Variants in ADGRB3 observed in about 807,000 individuals in gnomAD.
The protein encoded by ADGRB3 is brain-specific angiogenesis inhibitor 3.
A neutral mutation model predicts 193.4 loss-of-function variants in ADGRB3; 37 were observed. The observed-to-expected ratio is 0.19, with a 90% CI of 0.15 to 0.25. The LOEUF (loss-of-function observed/expected upper bound fraction) is 0.25, where lower values mean the gene tolerates loss of function less well. Among genes scored for constraint, ADGRB3 ranks in the 10% least tolerant of loss-of-function variants. ADGRB3 has a pLI of 1.00. For missense variants in ADGRB3, 1,637 were observed against 1,852.9 expected (o/e 0.88, Z 2.14); for synonymous variants, 690 against 644.2 (o/e 1.07, Z -1.08).
chr6:68,928,869 A>G (rs1410673532), intron 3 of ADGRB3, among the ~76,000 whole-genome samples: 2 of 152,204 alleles, frequency 1.3e-5, no homozygotes, highest in African/African-American at 4.8e-5. Context: ...GGTGAAGCAT[A>G]CTGTTGATAA....
chr6:69,203,714 A>G (rs1028875323), intron 17 of ADGRB3, among the ~76,000 whole-genome samples: 4 of 152,126 alleles, frequency 2.6e-5, no homozygotes, highest in Non-Finnish European at 4.4e-5. Flanking sequence ...GTATCATTAC[A>G]TCTTTCTTCT....
intron 3 of ADGRB3, among the ~76,000 whole-genome samples, chr6:68,831,961 A>C (rs112208001): frequency 2.2e-3 from 342 of 152,298 alleles, no homozygotes; most frequent in African/African-American, 7.9e-3. Flanking sequence ...TGCAGACTTA[A>C]TGATGGCATT....
At chr6:68,959,509 G>T (rs1582349923) in intron 8 of ADGRB3, among the ~76,000 whole-genome samples, 2 of 151,938 alleles carry the variant, frequency 1.3e-5, no homozygotes, top group African/African-American at 4.8e-5. Flanking sequence ...TTACTAAGAG[G>T]CCTTTTGTTG....
chr6:68,782,859 A>G (rs1041179232), intron 3 of ADGRB3, among the ~76,000 whole-genome samples: 4 of 152,108 alleles, frequency 2.6e-5, no homozygotes, highest in Non-Finnish European at 4.4e-5. Flanking sequence ...AGTTCATTGT[A>G]GATTCTGGAT....
chr6:68,892,284 A>G (rs1766100779), intron 3 of ADGRB3, among the ~76,000 whole-genome samples: 1 of 152,154 alleles, frequency 6.6e-6, no homozygotes, highest in South Asian at 2.1e-4. Context: ...GAAGCATAGC[A>G]ATAACAAAGC....
At chr6:68,990,509 C>T (rs1214057752) in intron 10 of ADGRB3, among the ~76,000 whole-genome samples, 3 of 152,070 alleles carry the variant, frequency 2.0e-5, no homozygotes, top group African/African-American at 7.2e-5. Context: ...ACAACTCATT[C>T]TACATAAGCC....
rs1270984173 is a variant in ADGRB3, at chr6:68,635,439, G to C, written c.-749G>C. On this transcript the variant is annotated 5_prime_UTR_variant, in exon 1 of 32. Coordinates refer to ENST00000370598, the MANE Select transcript of ADGRB3 (RefSeq NM_001704.3). ...CGCCGTCCGTCCATCAGTACCTGCA[G>C]GGGGGAGGAGGAGGAGGGAGGAAAG... The C allele has an allele frequency of 6.6e-6, 1 of 152,362 alleles. No individual in the cohort carries two copies. Among genetic ancestry groups the C allele is most frequent in the Non-Finnish European group, 1.5e-5 (1 of 68,284 alleles). 9.4% of individuals were successfully genotyped at this position (152,362 alleles called of 1,614,324 possible).
intron 3 of ADGRB3, among the ~76,000 whole-genome samples, chr6:68,703,402 A>G (rs1765274889): frequency 6.6e-6 from 1 of 152,164 alleles, no homozygotes; most frequent in African/African-American, 2.4e-5. Flanking sequence ...GAGCGTATCA[A>G]TTTATAGTCA....
intron 17 of ADGRB3, among the ~76,000 whole-genome samples, chr6:69,089,882 A>C (rs1257538847): frequency 6.6e-6 from 1 of 152,112 alleles, no homozygotes; most frequent in Non-Finnish European, 1.5e-5. Context: ...GATATTACCA[A>C]ATGTTCGTGA....
At chr6:69,136,103 TA>T (rs1774141455) in intron 17 of ADGRB3, among the ~76,000 whole-genome samples, 1 of 152,062 alleles carries the variant, frequency 6.6e-6, no homozygotes, top group East Asian at 1.9e-4. Flanking sequence ...TGTACATATA[TA>T]AACTTGTGTT....
chr6:68,700,036 C>T (rs1312623945), intron 3 of ADGRB3, among the ~76,000 whole-genome samples: 1 of 152,072 alleles, frequency 6.6e-6, no homozygotes, highest in African/African-American at 2.4e-5. Context: ...TAAATGCACA[C>T]ACACAAACTC....
At chr6:68,844,432 G>T (rs1768233385) in intron 3 of ADGRB3, among the ~76,000 whole-genome samples, 1 of 152,058 alleles carries the variant, frequency 6.6e-6, no homozygotes, top group Admixed American at 6.6e-5. Flanking sequence ...GTGAATGAAA[G>T]CTGCAATGAG....
chr6:69,104,622 A>G (rs1773159808), intron 17 of ADGRB3, among the ~76,000 whole-genome samples: 2 of 152,240 alleles, frequency 1.3e-5, no homozygotes, highest in South Asian at 2.1e-4. Flanking sequence ...GCTCTTTTCT[A>G]TAATATAGTA....
chr6:69,317,492 T>C (rs1224263678), intron 20 of ADGRB3, among the ~76,000 whole-genome samples: 1 of 151,488 alleles, frequency 6.6e-6, no homozygotes, highest in African/African-American at 2.4e-5. Flanking sequence ...AACACAAAGT[T>C]TCAGCTATTC....
At chr6:68,837,549 G>T (rs774791040) in intron 3 of ADGRB3, among the ~76,000 whole-genome samples, 6 of 152,064 alleles carry the variant, frequency 3.9e-5, no homozygotes, top group Non-Finnish European at 5.9e-5. Flanking sequence ...TAAAGCAAAA[G>T]ATTTTATCAA....
intron 3 of ADGRB3, among the ~76,000 whole-genome samples, chr6:68,698,098 T>C (rs1211197125): frequency 6.6e-6 from 1 of 151,766 alleles, no homozygotes; most frequent in Non-Finnish European, 1.5e-5. Flanking sequence ...TTCATAAACA[T>C]ATGGTATTGT....
intron 15 of ADGRB3, among the ~76,000 whole-genome samples, chr6:69,061,103 C>T (rs1322965876): frequency 6.6e-6 from 1 of 151,588 alleles, no homozygotes. Flanking sequence ...CCAGCTCTCT[C>T]TGTCTGCAAC....
intron 30 of ADGRB3, among the ~76,000 whole-genome samples, chr6:69,378,368 A>G (rs1255552712): frequency 6.6e-6 from 1 of 152,046 alleles, no homozygotes; most frequent in Non-Finnish European, 1.5e-5. Context: ...CACATCTAAG[A>G]TAGCAACAAG....
chr6:68,791,382 A>G (rs1238547173), intron 3 of ADGRB3, among the ~76,000 whole-genome samples: 2 of 152,246 alleles, frequency 1.3e-5, no homozygotes, highest in Admixed American at 6.5e-5. Context: ...CTACATAAGT[A>G]TAATAACTAT....
Sources: gnomAD v4.1 joint callset for allele counts (sites outside exome capture counted in the v4.1 genomes callset) on GRCh38, gnomAD v4.1.1 for gene constraint, MANE v1.5 for transcripts, NCBI Gene and HGNC (gene_info 2026-07-23, HGNC 2026-07-21) for gene names.